Variants in ADAMTSL1 observed in about 807,000 individuals in gnomAD.
ADAMTSL1 encodes the protein ADAMTS like 1, also known as ADAMTS-like protein 1.
In ADAMTSL1, 126 loss-of-function variants were observed where a neutral mutation model predicts 201.8. That is an observed-to-expected ratio of 0.62 (90% CI 0.54 to 0.72). The LOEUF is 0.72. ADAMTSL1 is among the 30% of genes least tolerant of loss of function. The pLI, the probability that ADAMTSL1 is intolerant of heterozygous loss-of-function variation, is 0.00. For synonymous variants in ADAMTSL1, 1,121 were observed against 903.4 expected, an observed-to-expected ratio of 1.24 and a Z score of -4.32; for missense variants, 2,679 against 2,277.8, an observed-to-expected ratio of 1.18 and a Z score of -3.59.
intron 1 of ADAMTSL1, among the ~76,000 whole-genome samples, chr9:18,062,057 G>C (rs1822481477): frequency 1.3e-5 from 2 of 152,140 alleles, no homozygotes. Flanking sequence ...CTGATTCACT[G>C]GTTTAGGGGT....
At chr9:18,227,658 C>A (rs533754427) in intron 2 of ADAMTSL1, among the ~76,000 whole-genome samples, 8 of 152,084 alleles carry the variant, frequency 5.3e-5, no homozygotes, top group Non-Finnish European at 1.0e-4. Flanking sequence ...GCTTTTCTGC[C>A]TAAAATGCTC....
chr9:18,105,757 A>T (rs545944657), intron 1 of ADAMTSL1, among the ~76,000 whole-genome samples: 1 of 152,240 alleles, frequency 6.6e-6, no homozygotes, highest in Non-Finnish European at 1.5e-5. Context: ...ACATACTTCT[A>T]TTTAACTTAG....
rs752054042 is a variant in ADAMTSL1 at position 18,025,495 on chromosome 9, C to G, written c.87+118573C>G. Among the ~76,000 whole-genome samples, 76 of 151,984 alleles carry G rather than the reference C, an allele frequency of 5.0e-4. 2 individuals are homozygous for G. The highest frequency in any genetic ancestry group is 1.9e-4 in the East Asian group (1 of 5,186). On this transcript the variant is annotated intron_variant, in intron 1 of 29. Transcript: ENST00000680146. ...TATGGTTAGCCAGTTATCCCAGCAC[C>G]ATTTATTGAATAGAGTCCTTTCCCC...
chr9:17,949,166 T>G (rs1165719636), intron 1 of ADAMTSL1, among the ~76,000 whole-genome samples: 3 of 152,196 alleles, frequency 2.0e-5, no homozygotes, highest in Admixed American at 6.5e-5. Context: ...AGCCTCCACG[T>G]GTATGTTGTA....
chr9:18,070,195 A>G (rs1010866752), intron 1 of ADAMTSL1, among the ~76,000 whole-genome samples: 2 of 152,236 alleles, frequency 1.3e-5, no homozygotes, highest in Non-Finnish European at 2.9e-5. Flanking sequence ...ATAACCATAA[A>G]AAGGACTGGA....
At chr9:18,543,899 T>C (rs967497626) in intron 3 of ADAMTSL1, among the ~76,000 whole-genome samples, 2 of 152,170 alleles carry the variant, frequency 1.3e-5, no homozygotes, top group African/African-American at 2.4e-5. Context: ...ATGCTTTTTC[T>C]GACATGTCTT....
chr9:18,566,237 T>C (rs1359805680), intron 3 of ADAMTSL1, among the ~76,000 whole-genome samples: 1 of 152,004 alleles, frequency 6.6e-6, no homozygotes, highest in Non-Finnish European at 1.5e-5. Flanking sequence ...AGCACTGGAG[T>C]TCCCACAATA....
intron 22 of ADAMTSL1, among the ~76,000 whole-genome samples, chr9:18,829,193 C>T (rs955266045): frequency 1.3e-5 from 2 of 152,174 alleles, no homozygotes; most frequent in Admixed American, 6.5e-5. Flanking sequence ...TAACTGGGAA[C>T]TCTGATGACT....
At chr9:18,498,338 C>T (rs1888066) in intron 1 of ADAMTSL1, among the ~76,000 whole-genome samples, 71,130 of 140,966 alleles carry the variant, frequency 0.5, 17,798 homozygotes, top group Non-Finnish European at 0.55. Flanking sequence ...CCCCCACCCC[C>T]TTTTTTTTTT....
intron 3 of ADAMTSL1, among the ~76,000 whole-genome samples, chr9:18,560,707 G>A (rs117452485): frequency 0.02 from 3,049 of 151,950 alleles, 42 homozygotes; most frequent in Non-Finnish European, 0.031. Context: ...TCTATTCAGG[G>A]ATTCAAATAT....
At chr9:18,421,587 A>C (rs755882084) in intron 2 of ADAMTSL1, among the ~76,000 whole-genome samples, 9 of 152,302 alleles carry the variant, frequency 5.9e-5, no homozygotes, top group Non-Finnish European at 1.2e-4. Context: ...CCTCCCTCTC[A>C]AACCCTCTCC....
At chr9:18,290,355 A>C (rs1193190629) in intron 2 of ADAMTSL1, among the ~76,000 whole-genome samples, 5 of 151,258 alleles carry the variant, frequency 3.3e-5, no homozygotes, top group Admixed American at 2.0e-4. Context: ...GTGAGAAGGG[A>C]CAGTGAGGAG....
At chr9:18,182,717 A>C (rs183781301) in intron 2 of ADAMTSL1, among the ~76,000 whole-genome samples, 2 of 152,216 alleles carry the variant, frequency 1.3e-5, no homozygotes, top group Admixed American at 1.3e-4. Flanking sequence ...GACATTTCAG[A>C]TCATATCAGA....
chr9:18,411,030 T>G (rs956532095), intron 2 of ADAMTSL1, among the ~76,000 whole-genome samples: 1 of 147,112 alleles, frequency 6.8e-6, no homozygotes, highest in Non-Finnish European at 1.5e-5. Context: ...TGTTTGGTTT[T>G]TTTTTTGTAT....
In ADAMTSL1 at chr9:18,052,444, A is replaced by C. The variant is rs374957118; in HGVS notation, c.88-111418A>C. Among the ~76,000 whole-genome samples the C allele has an allele frequency of 1.6e-3, 242 of 152,260 alleles. 7 individuals are homozygous for C. The South Asian group carries it at 0.05, about 31-fold the overall frequency. On this transcript the variant is annotated intron_variant, in intron 1 of 29. Transcript: ENST00000680146. ...TTGAGCCAATGGAGAGATGGGGGAG[A>C]AGGTTCTAGGCAGAGAAACCAGTGT...
chr9:18,117,552 C>G (rs1178299098), intron 1 of ADAMTSL1, among the ~76,000 whole-genome samples: 1 of 152,176 alleles, frequency 6.6e-6, no homozygotes, highest in African/African-American at 2.4e-5. Flanking sequence ...GGCTGGCCCT[C>G]TCCATCTTAT....
intron 25 of ADAMTSL1, 48 bp downstream of exon 25, chr9:18,889,796 C>G: frequency 7.2e-7 from 1 of 1,398,138 alleles, no homozygotes. Context: ...TAGGAGGAGC[C>G]CTCCCTGTTA....
At chr9:18,654,652 A>T (rs539196915) in intron 7 of ADAMTSL1, among the ~76,000 whole-genome samples, 1 of 152,324 alleles carries the variant, frequency 6.6e-6, no homozygotes, top group East Asian at 1.9e-4. Context: ...ATTGTTGCAT[A>T]TCTTTTCAAG....
intron 2 of ADAMTSL1, among the ~76,000 whole-genome samples, chr9:18,209,664 T>C (rs775069819): frequency 2.6e-5 from 4 of 152,214 alleles, no homozygotes; most frequent in Non-Finnish European, 5.9e-5. Context: ...GCCTTGCTGA[T>C]TTACTTTTTC....
Sources: gnomAD v4.1 joint callset for allele counts (sites outside exome capture counted in the v4.1 genomes callset) on GRCh38, gnomAD v4.1.1 for gene constraint, MANE v1.5 for transcripts, NCBI Gene and HGNC (gene_info 2026-07-23, HGNC 2026-07-21) for gene names.